The following NCK1 variants were observed in gnomAD, a reference collection of about 807,000 sequenced individuals.
NCK1 encodes SH2/SH3 adapter protein NCK1.
A neutral mutation model predicts 36.6 loss-of-function variants in NCK1; 19 were observed. That is an observed-to-expected ratio of 0.52 (90% CI 0.36 to 0.76). The LOEUF (loss-of-function observed/expected upper bound fraction) is 0.76, where lower values mean the gene tolerates loss of function less well. Among genes scored for constraint, NCK1 ranks in the 30% least tolerant of loss-of-function variants. NCK1 has a pLI of 0.00. For synonymous variants in NCK1, 165 were observed against 156.0 expected, an observed-to-expected ratio of 1.06 and a Z score of -0.43; for missense variants, 358 against 445.6, an observed-to-expected ratio of 0.80 and a Z score of 1.77.
intron 1 of NCK1, 50 bp from the exon 2 acceptor site, chr3:136,927,934 A>G: frequency 1.5e-6 from 2 of 1,291,012 alleles, no homozygotes; most frequent in Non-Finnish European, 2.2e-6. Context: ...AAAGCATGTG[A>G]ACTAATACTA....
rs1328438615 is a variant in NCK1, at chr3:136,921,079, A to C, written c.-18-6905A>C. Among the ~76,000 whole-genome samples the C allele has an allele frequency of 6.6e-5, 10 of 152,306 alleles. 3 individuals are homozygous for C. The highest frequency in any genetic ancestry group is 6.5e-4 in the Admixed American group (10 of 15,300). ...TCGTTAAGATGGACCTTAATCCCTT[A>C]TGACTCCTCTTCCTGGTTCACCTGG... is the stretch of plus-strand genomic sequence containing the variant. On this transcript the variant is annotated intron_variant, in intron 1 of 3. Coordinates refer to ENST00000481752, the MANE Select transcript of NCK1 (RefSeq NM_001291999.2).
At chr3:136,894,879 G>GT (rs756169292) in intron 1 of NCK1, among the ~76,000 whole-genome samples, 85 of 77,586 alleles carry the variant, frequency 1.1e-3, no homozygotes, top group African/African-American at 2.9e-3. Flanking sequence ...GTTTTGTTTT[G>GT]TTTTTTTTTT....
At chr3:136,867,112 CTTT>C (rs1560028496) in intron 1 of NCK1, among the ~76,000 whole-genome samples, 600 of 29,806 alleles carry the variant, frequency 0.02, 43 homozygotes, top group East Asian at 0.047. Flanking sequence ...TTCTTTCTTT[CTTT>C]CTTTGTTTCT....
At chr3:136,941,921 C>G (rs371818636) in intron 2 of NCK1, among the ~76,000 whole-genome samples, 7 of 152,210 alleles carry the variant, frequency 4.6e-5, no homozygotes, top group Admixed American at 4.6e-4. Flanking sequence ...TCACTACAAC[C>G]TCCACCTCCC....
intron 2 of NCK1, among the ~76,000 whole-genome samples, chr3:136,943,084 C>CTTTA (rs1196048384): frequency 1.3e-5 from 2 of 152,094 alleles, no homozygotes; most frequent in Non-Finnish European, 2.9e-5. Flanking sequence ...ATAGCACTCT[C>CTTTA]TTTACCACAA....
intron 1 of NCK1, among the ~76,000 whole-genome samples, chr3:136,920,550 T>C (rs1423984378): frequency 6.6e-6 from 1 of 152,146 alleles, no homozygotes; most frequent in Non-Finnish European, 1.5e-5. Context: ...CTTAGGTATA[T>C]AAGACATTAC....
chr3:136,874,993 A>G (rs1938726586), intron 1 of NCK1, among the ~76,000 whole-genome samples: 1 of 152,130 alleles, frequency 6.6e-6, no homozygotes, highest in Non-Finnish European at 1.5e-5. Context: ...TGTTTCCTAT[A>G]TTCTGAAATT....
chr3:136,901,060 T>C (rs978888021), intron 1 of NCK1, among the ~76,000 whole-genome samples: 3 of 152,184 alleles, frequency 2.0e-5, no homozygotes, highest in Non-Finnish European at 4.4e-5. Flanking sequence ...ATATGACCTT[T>C]GTTATGTTGA....
chr3:136,882,919 C>T (rs1315474647), intron 1 of NCK1, among the ~76,000 whole-genome samples: 4 of 152,086 alleles, frequency 2.6e-5, no homozygotes, highest in Non-Finnish European at 2.9e-5. Flanking sequence ...GCTTAAAACC[C>T]TTATTACATG....
Position 136,948,500 on chromosome 3 carries a change from A to G in NCK1, c.*47A>G, listed in dbSNP as rs1426217576. ...GCTGTGTAGCTGTAATTTGTCATGTAATTGAAGACTGAGAAAATGTTGGGT... is the reference window on the plus strand; with the variant it reads ...GCTGTGTAGCTGTAATTTGTCATGTGATTGAAGACTGAGAAAATGTTGGGT... On this transcript the variant is annotated 3_prime_UTR_variant, in exon 4 of 4. Coordinates refer to ENST00000481752, the MANE Select transcript of NCK1 (RefSeq NM_001291999.2). 2 of 1,518,042 alleles carry G rather than the reference A, an allele frequency of 1.3e-6. No homozygotes were observed. The highest frequency in any genetic ancestry group is 9.0e-7 in the Non-Finnish European group (1 of 1,112,174). 94.0% of individuals were successfully genotyped at this position (1,518,042 alleles called of 1,614,324 possible).
intron 2 of NCK1, among the ~76,000 whole-genome samples, chr3:136,934,501 G>A (rs1176757942): frequency 1.3e-5 from 2 of 152,042 alleles, no homozygotes; most frequent in East Asian, 3.9e-4. Flanking sequence ...GGCCAGGCTG[G>A]TCTCGAACTC....
rs961812778 is a variant in NCK1, at chr3:136,862,228, C to T, written c.-144C>T. On this transcript the variant is annotated 5_prime_UTR_variant, in exon 1 of 4. Transcript: ENST00000481752. ...TGCCCACCGCGCGTGCCCCGCCTCT[C>T]TCCCAAGAGCTACGCGGCGGCGGCG... 6.6e-6 allele frequency: 1 copy of T among 152,654 alleles called. No individual in the cohort carries two copies. Among genetic ancestry groups the T allele is most frequent in the African/African-American group, 2.4e-5 (1 of 41,464 alleles). The allele number at this position is 152,654 out of a possible 1,614,324, so 9.5% of individuals were successfully genotyped here. A position where few individuals can be genotyped will look rare whatever the true frequency, so the allele number is the denominator to read the frequency against.
chr3:136,883,771 T>C (rs1352686594), intron 1 of NCK1, among the ~76,000 whole-genome samples: 2 of 152,146 alleles, frequency 1.3e-5, no homozygotes, highest in Non-Finnish European at 2.9e-5. Flanking sequence ...GGTGAGTTGC[T>C]GAAGGCTTGA....
chr3:136,943,153 A>G (rs924697695), intron 2 of NCK1, among the ~76,000 whole-genome samples: 9 of 150,404 alleles, frequency 6.0e-5, no homozygotes, highest in Non-Finnish European at 1.2e-4. Flanking sequence ...TTTTTTTTTT[A>G]CTAGATTCCA....
At chr3:136,864,619 G>A (rs1938357462) in intron 1 of NCK1, among the ~76,000 whole-genome samples, 1 of 152,212 alleles carries the variant, frequency 6.6e-6, no homozygotes, top group South Asian at 2.1e-4. Flanking sequence ...AGGATAGCTG[G>A]AGGCCAGGAG....
At chr3:136,875,834 A>C (rs1309264491) in intron 1 of NCK1, among the ~76,000 whole-genome samples, 2 of 150,522 alleles carry the variant, frequency 1.3e-5, no homozygotes, top group Non-Finnish European at 3.0e-5. Flanking sequence ...CTCCACCCCA[A>C]ATCAACAGAA....
chr3:136,897,078 TTTTG>T (rs1387948452), intron 1 of NCK1, among the ~76,000 whole-genome samples: 2 of 152,084 alleles, frequency 1.3e-5, no homozygotes, highest in East Asian at 3.9e-4. Context: ...TCTTTTTTTC[TTTTG>T]TTTTACTTTT....
At chr3:136,914,503 G>GT (rs1320373941) in intron 1 of NCK1, among the ~76,000 whole-genome samples, 1 of 152,056 alleles carries the variant, frequency 6.6e-6, no homozygotes, top group East Asian at 1.9e-4. Flanking sequence ...ATCCTCTAAT[G>GT]TTTTTTAAAG....
intron 1 of NCK1, among the ~76,000 whole-genome samples, chr3:136,895,237 A>G (rs1203899486): frequency 6.6e-6 from 1 of 152,174 alleles, no homozygotes; most frequent in Admixed American, 6.5e-5. Context: ...AGTCAACTAT[A>G]TGATTCCATT....
Sources: gnomAD v4.1 joint callset for allele counts (sites outside exome capture counted in the v4.1 genomes callset) on GRCh38, gnomAD v4.1.1 for gene constraint, MANE v1.5 for transcripts, NCBI Gene and HGNC (gene_info 2026-07-23, HGNC 2026-07-21) for gene names.